Variants in NDRG1 observed in about 807,000 individuals in gnomAD.
NDRG1 encodes the protein protein NDRG1.
In NDRG1, 32 loss-of-function variants were observed where a neutral mutation model predicts 56.9. The ratio of observed to expected loss-of-function variants is 0.56; its 90% CI spans 0.42 to 0.76. The LOEUF (loss-of-function observed/expected upper bound fraction) is 0.76, where lower values mean the gene tolerates loss of function less well. Among genes scored for constraint, NDRG1 ranks in the 30% least tolerant of loss-of-function variants. NDRG1 has a pLI of 0.00. For synonymous variants in NDRG1, 211 were observed against 204.1 expected, an observed-to-expected ratio of 1.03 and a Z score of -0.29; for missense variants, 507 against 545.7, an observed-to-expected ratio of 0.93 and a Z score of 0.71.
intron 3 of NDRG1, among the ~76,000 whole-genome samples, chr8:133,265,524 C>G (rs939928974): frequency 1.3e-5 from 2 of 152,172 alleles, no homozygotes; most frequent in East Asian, 3.9e-4. Flanking sequence ...TGATACCATG[C>G]CCATCCTCCC....
At chr8:133,257,021 G>C (rs528874578) in intron 7 of NDRG1, among the ~76,000 whole-genome samples, 158 bp from the exon 8 acceptor site, 1 of 152,210 alleles carries the variant, frequency 6.6e-6, no homozygotes, top group East Asian at 1.9e-4. Flanking sequence ...GCAAAACTGA[G>C]GTTCCAGCAC....
Position 133,289,291 on chromosome 8 carries a change from G to A in NDRG1, c.-18-4962C>T, listed in dbSNP as rs112214661. On this transcript the variant is annotated intron_variant, in intron 1 of 15. Transcript: ENST00000323851. Reference sequence around the variant, plus strand: ...CCTGCTCCCAATGATCAGCAGTGGGGCTTAAATTCAAGAATGGCATGGAGA... The same window carrying A: ...CCTGCTCCCAATGATCAGCAGTGGGACTTAAATTCAAGAATGGCATGGAGA... Among the ~76,000 whole-genome samples, 1,487 of 152,154 alleles carry A rather than the reference G, an allele frequency of 9.8e-3. 25 individuals are homozygous for A. Among genetic ancestry groups the A allele is most frequent in the African/African-American group, 0.034 (1,399 of 41,496 alleles).
chr8:133,246,464 C>T, intron 13 of NDRG1, 152 bp downstream of exon 13: 1 of 865,332 alleles, frequency 1.2e-6, no homozygotes, highest in Non-Finnish European at 1.9e-6. Flanking sequence ...AGTCAGCACC[C>T]AATATATGTT....
At chr8:133,240,419 C>A (rs1041827959) in intron 15 of NDRG1, 1 of 152,206 alleles carries the variant, frequency 6.6e-6, no homozygotes, top group Non-Finnish European at 1.5e-5. Flanking sequence ...TCTTAAAGAG[C>A]TAGTTTTGAA....
chr8:133,270,135 C>CA (rs1235233587), intron 3 of NDRG1, among the ~76,000 whole-genome samples: 4 of 152,272 alleles, frequency 2.6e-5, no homozygotes, highest in African/African-American at 9.6e-5. Flanking sequence ...CTCCAATTGA[C>CA]AGAGTCTGGC....
chr8:133,246,790 T>C, intron 12 of NDRG1, 127 bp from the exon 13 acceptor site: 2 of 898,314 alleles, frequency 2.2e-6, no homozygotes, highest in South Asian at 2.7e-5. Context: ...GAAGAAAGTA[T>C]GTGGAGTTAT....
At chr8:133,250,983 G>C (rs1319589723) in intron 9 of NDRG1, among the ~76,000 whole-genome samples, 1 of 151,516 alleles carries the variant, frequency 6.6e-6, no homozygotes. Flanking sequence ...AATGGAGGTT[G>C]TGTTCTCACC....
chr8:133,295,047 A>T (rs1308760396), intron 1 of NDRG1, among the ~76,000 whole-genome samples: 1 of 152,178 alleles, frequency 6.6e-6, no homozygotes. Context: ...GTCCTGTGTG[A>T]GTTTTTTATT....
At position 133,244,335 on chromosome 8, in the gene NDRG1, A is replaced by G; in HGVS notation, c.891+20T>C. ...GGGGAAGCGACAGCTGTATAATGCAAAAGCCAACATGGCACTCACCTGGGA... is the reference window on the plus strand; with the variant it reads ...GGGGAAGCGACAGCTGTATAATGCAGAAGCCAACATGGCACTCACCTGGGA... On this transcript the variant is annotated intron_variant, in intron 14 of 15. Transcript: ENST00000323851. The G allele has an allele frequency of 6.2e-7, 1 of 1,614,172 alleles. No individual in the cohort carries two copies.
intron 15 of NDRG1, chr8:133,241,191 G>A (rs17641864): frequency 0.072 from 10,956 of 152,382 alleles, 480 homozygotes; most frequent in Middle Eastern, 0.15. Context: ...ATAGTTCCAA[G>A]CAGTAGGGTC....
intron 1 of NDRG1, among the ~76,000 whole-genome samples, chr8:133,285,936 G>C (rs1272408650): frequency 1.3e-5 from 2 of 152,164 alleles, no homozygotes; most frequent in African/African-American, 2.4e-5. Flanking sequence ...CATGGCCTAG[G>C]GAGCCTTCCA....
In NDRG1 at chr8:133,269,396, AG is replaced by A. The variant is rs1254274690; in HGVS notation, c.100-4745del. 5.3e-5 allele frequency among the ~76,000 whole-genome samples: 8 copies of A among 152,370 alleles called. No homozygotes were observed. In the South Asian group the frequency reaches 1.7e-3, roughly 32 times the overall value. On this transcript the variant is annotated intron_variant, in intron 3 of 15. Coordinates refer to ENST00000323851, the MANE Select transcript of NDRG1 (RefSeq NM_006096.4). ...ACACTTTCCTCTCACCTGCTCTGGA[AG>A]AGTCTAGAAAGCTGCTCTTTCAAGT...
intron 14 of NDRG1, among the ~76,000 whole-genome samples, chr8:133,242,692 GA>G (rs35896284): frequency 0.045 from 6,658 of 148,948 alleles, 194 homozygotes; most frequent in African/African-American, 0.07. Flanking sequence ...TGGGTGGAAA[GA>G]AAAGGATGGA....
At chr8:133,262,608 G>A (rs529931484) in intron 4 of NDRG1, among the ~76,000 whole-genome samples, 112 of 152,314 alleles carry the variant, frequency 7.4e-4, no homozygotes, top group African/African-American at 2.7e-3. Flanking sequence ...GAGGTGAGGC[G>A]TGCCTCCTCC....
chr8:133,286,502 T>G (rs990776358), intron 1 of NDRG1, among the ~76,000 whole-genome samples: 23 of 152,168 alleles, frequency 1.5e-4, no homozygotes, highest in African/African-American at 5.3e-4. Flanking sequence ...ACCCGGCACC[T>G]TTTTTATTCC....
chr8:133,254,831 T>C (rs2130713764), intron 8 of NDRG1: 2 of 560,776 alleles, frequency 3.6e-6, no homozygotes, highest in East Asian at 3.0e-5. Context: ...CAGAGGCCCA[T>C]GCACAAGATG....
At chr8:133,296,694 GACACACACACACACACACAC>G (rs36215434) in intron 1 of NDRG1, 184 of 270,678 alleles carry the variant, frequency 6.8e-4, no homozygotes, top group East Asian at 4.1e-3. Context: ...CCCAGACACA[GACACACACACACACACACAC>G]ACACACACAC....
At chr8:133,254,654 C>G in intron 8 of NDRG1, 59 bp from the exon 9 acceptor site, 4 of 1,560,566 alleles carry the variant, frequency 2.6e-6, no homozygotes, top group Non-Finnish European at 3.5e-6. Flanking sequence ...TTAACAAGGT[C>G]AGCAAAACCC....
chr8:133,282,618 T>C (rs373645252), intron 2 of NDRG1, among the ~76,000 whole-genome samples: 3 of 152,346 alleles, frequency 2.0e-5, no homozygotes, highest in South Asian at 4.1e-4. Flanking sequence ...AGGACACAGA[T>C]TTAGAAATTG....
Sources: allele counts gnomAD v4.1 joint callset (sites outside exome capture counted in the v4.1 genomes callset), GRCh38; gene constraint gnomAD v4.1.1; transcripts MANE v1.5; gene names NCBI Gene and HGNC (gene_info 2026-07-23, HGNC 2026-07-21).